The following RALGPS1 variants were observed in gnomAD, a reference collection of about 807,000 sequenced individuals.
RALGPS1 encodes the protein ras-specific guanine nucleotide-releasing factor RalGPS1.
A neutral mutation model predicts 78.8 loss-of-function variants in RALGPS1; 19 were observed. That is an observed-to-expected ratio of 0.24 (90% CI 0.17 to 0.35). The LOEUF (loss-of-function observed/expected upper bound fraction) is 0.35. Among genes scored for constraint, RALGPS1 ranks in the 10% least tolerant of loss-of-function variants. The probability of loss-of-function intolerance (pLI) is 1.00; values close to 1 mark genes in which losing one functional copy is unlikely to be tolerated. For synonymous variants in RALGPS1, 228 were observed against 256.3 expected, an observed-to-expected ratio of 0.89 and a Z score of 1.06; for missense variants, 454 against 688.3, an observed-to-expected ratio of 0.66 and a Z score of 3.81.
intron 8 of RALGPS1, among the ~76,000 whole-genome samples, chr9:127,164,767 TA>T (rs2059207320): frequency 6.6e-6 from 1 of 151,958 alleles, no homozygotes; most frequent in African/African-American, 2.4e-5. Flanking sequence ...TCCGAGCTCC[TA>T]GGCTCGAGCA....
intron 11 of RALGPS1, among the ~76,000 whole-genome samples, chr9:127,191,710 T>G (rs1564761535): frequency 1.3e-5 from 2 of 149,028 alleles, no homozygotes; most frequent in African/African-American, 4.9e-5. Flanking sequence ...GTTTTTTTTT[T>G]TTTTTGAGAT....
chr9:126,921,507 AAGACCC>A (rs2034751544), intron 1 of RALGPS1, among the ~76,000 whole-genome samples: 1 of 152,248 alleles, frequency 6.6e-6, no homozygotes, highest in Non-Finnish European at 1.5e-5. Context: ...CAGAGACCTG[AAGACCC>A]AGAACAGCAA....
chr9:127,119,504 A>T (rs1412735829), intron 8 of RALGPS1, among the ~76,000 whole-genome samples: 2 of 152,346 alleles, frequency 1.3e-5, no homozygotes, highest in East Asian at 3.9e-4. Context: ...ACATAATCAC[A>T]TAACTGTGTG....
intron 1 of RALGPS1, among the ~76,000 whole-genome samples, chr9:126,959,206 C>A (rs2038654054): frequency 6.6e-6 from 1 of 152,030 alleles, no homozygotes; most frequent in South Asian, 2.1e-4. Context: ...GGATTACAGG[C>A]ATGTGCCACC....
rs561508071 is a variant in RALGPS1, at chr9:127,180,662, G to C, written c.910+5880G>C. 2.0e-5 allele frequency among the ~76,000 whole-genome samples: 3 copies of C among 152,360 alleles called. No homozygotes were observed. In the East Asian group the frequency reaches 5.8e-4, roughly 29 times the overall value. ...CGGGCTCTGGTGCCGTCCAGACATC[G>C]GGGAGTTGGTAGGGGGACAGAGGGA... On this transcript the variant is annotated intron_variant, in intron 11 of 18. Coordinates refer to ENST00000259351, the MANE Select transcript of RALGPS1 (RefSeq NM_014636.3).
chr9:127,049,793 C>T lies in RALGPS1; in HGVS notation c.301-250C>T, dbSNP rs116688333. Among the ~76,000 whole-genome samples the T allele has an allele frequency of 8.1e-3, 1,233 of 152,288 alleles. 24 individuals carry two copies. The highest frequency in any genetic ancestry group is 0.028 in the African/African-American group (1,166 of 41,542). On this transcript the variant is annotated intron_variant, in intron 5 of 18. Coordinates refer to ENST00000259351, the MANE Select transcript of RALGPS1 (RefSeq NM_014636.3). ...GGAGGCCCAGCGCTCCCTGGGATGACGAGGAAAGTGCTGCTTTCTCTTGGC... is the reference window on the plus strand; with the variant it reads ...GGAGGCCCAGCGCTCCCTGGGATGATGAGGAAAGTGCTGCTTTCTCTTGGC...
At chr9:127,156,810 C>T (rs1388628707) in intron 8 of RALGPS1, among the ~76,000 whole-genome samples, 1 of 151,962 alleles carries the variant, frequency 6.6e-6, no homozygotes, top group African/African-American at 2.4e-5. Context: ...TTGCGTACCT[C>T]AGCATTATAA....
At chr9:126,988,250 T>C (rs1205752111) in intron 4 of RALGPS1, among the ~76,000 whole-genome samples, 1 of 152,074 alleles carries the variant, frequency 6.6e-6, no homozygotes, top group African/African-American at 2.4e-5. Context: ...AGGCCTGGCA[T>C]CTTTGAGGAG....
chr9:127,070,446 CAAAACGTATGCA>C (rs1210450245), intron 8 of RALGPS1, among the ~76,000 whole-genome samples: 1 of 152,126 alleles, frequency 6.6e-6, no homozygotes, highest in Non-Finnish European at 1.5e-5. Context: ...TGCACAGCTT[CAAAACGTATGCA>C]AAAACGTATG....
At chr9:127,049,854 A>G (rs2048142795) in intron 5 of RALGPS1, among the ~76,000 whole-genome samples, 189 bp from the exon 6 acceptor site, 1 of 152,140 alleles carries the variant, frequency 6.6e-6, no homozygotes, top group Non-Finnish European at 1.5e-5. Context: ...TGCTGAGAAC[A>G]CGGCCCATTT....
rs550963812 is a variant in RALGPS1, at chr9:126,969,582, T to C, written c.165+3631T>C. Among the ~76,000 whole-genome samples the C allele has an allele frequency of 2.0e-5, 3 of 152,348 alleles. No homozygotes were observed. The South Asian group carries it at 6.2e-4, about 32-fold the overall frequency. ...GGATCTCGCAGGCCAGTGGCCTAGC[T>C]TCTATGTTCTATTTATGTATGTTTA... is the stretch of plus-strand genomic sequence containing the variant. On this transcript the variant is annotated intron_variant, in intron 3 of 18. Transcript: ENST00000259351.
Position 127,122,825 on chromosome 9 carries a change from CG to C in RALGPS1, c.611-43242del. 6.6e-6 allele frequency: 1 copy of C among 152,440 alleles called. No homozygotes were observed. The highest frequency in any genetic ancestry group is 1.9e-4 in the East Asian group (1 of 5,200). 9.4% of individuals were successfully genotyped at this position (152,440 alleles called of 1,614,324 possible). A position where few individuals can be genotyped will look rare whatever the true frequency, so the allele number is the denominator to read the frequency against. ...CCGCCCGGTGATGTCACACGAGCTC[CG>C]GCCCCAGCTGGCCTGGCCCCTCCCG... On this transcript the variant is annotated intron_variant, in intron 8 of 18. Transcript: ENST00000259351. The surrounding 1 kb of genome is among the most constrained non-coding windows in gnomAD (Gnocchi z 6.4).
At chr9:127,199,733 G>A (rs1340494552) in intron 14 of RALGPS1, among the ~76,000 whole-genome samples, 1 of 152,192 alleles carries the variant, frequency 6.6e-6, no homozygotes, top group Non-Finnish European at 1.5e-5. Flanking sequence ...TGATCTCTAG[G>A]AAGGCAGGCA....
chr9:127,027,348 G>A (rs1428193495), intron 4 of RALGPS1, among the ~76,000 whole-genome samples: 1 of 152,294 alleles, frequency 6.6e-6, no homozygotes, highest in African/African-American at 2.4e-5. Context: ...CCAGTTGTAG[G>A]TGGTTTTGGG....
At chr9:126,950,574 A>G (rs2037714954) in intron 1 of RALGPS1, among the ~76,000 whole-genome samples, 1 of 152,138 alleles carries the variant, frequency 6.6e-6, no homozygotes, top group African/African-American at 2.4e-5. Flanking sequence ...TACTGGGTAC[A>G]TAACGAAATG....
chr9:126,967,570 T>C (rs2132318898), intron 3 of RALGPS1, among the ~76,000 whole-genome samples: 1 of 152,326 alleles, frequency 6.6e-6, no homozygotes, highest in Non-Finnish European at 1.5e-5. Context: ...AGCATCTCAT[T>C]CCATCACTTA....
At chr9:126,949,237 A>C (rs1429529046) in intron 1 of RALGPS1, among the ~76,000 whole-genome samples, 6 of 152,150 alleles carry the variant, frequency 3.9e-5, no homozygotes, top group Non-Finnish European at 8.8e-5. Context: ...GTTGGTTCCA[A>C]GTCTTTGCTA....
intron 8 of RALGPS1, among the ~76,000 whole-genome samples, chr9:127,133,308 G>T (rs931281394): frequency 6.6e-6 from 1 of 152,246 alleles, no homozygotes; most frequent in Non-Finnish European, 1.5e-5. Flanking sequence ...GAGAGTGAGA[G>T]TGGGTAAAGA....
intron 8 of RALGPS1, among the ~76,000 whole-genome samples, chr9:127,084,035 C>T (rs759780611): frequency 1.5e-4 from 23 of 152,138 alleles, no homozygotes; most frequent in Non-Finnish European, 3.1e-4. Flanking sequence ...CTCAGCTTCC[C>T]GAGTAGCTAG....
Sources: gnomAD v4.1 joint callset for allele counts (sites outside exome capture counted in the v4.1 genomes callset) on GRCh38, gnomAD v4.1.1 for gene constraint, Gnocchi (gnomAD v3.1) non-coding constraint, MANE v1.5 for transcripts, NCBI Gene and HGNC (gene_info 2026-07-23, HGNC 2026-07-21) for gene names.